The following RIMS2 variants were observed in gnomAD, a reference collection of about 807,000 sequenced individuals.
RIMS2 encodes regulating synaptic membrane exocytosis protein 2.
In RIMS2, 59 loss-of-function variants were observed where a neutral mutation model predicts 174.4. The ratio of observed to expected loss-of-function variants is 0.34; its 90% CI spans 0.27 to 0.42. The LOEUF is 0.42. RIMS2 is among the 10% of genes least tolerant of loss of function. The pLI, the probability that RIMS2 is intolerant of heterozygous loss-of-function variation, is 1.00. For missense variants in RIMS2, 1,620 were observed against 1,666.3 expected (o/e 0.97, Z 0.48); for synonymous variants, 606 against 572.5 (o/e 1.06, Z -0.84).
chr8:104,087,828 G>A (rs2097563343), intron 19 of RIMS2, among the ~76,000 whole-genome samples: 1 of 152,076 alleles, frequency 6.6e-6, no homozygotes, highest in Non-Finnish European at 1.5e-5. Context: ...AAAATTTTAT[G>A]TCCTAGACTC....
chr8:104,188,475 G>T (rs180780598), intron 19 of RIMS2, among the ~76,000 whole-genome samples: 1,882 of 151,560 alleles, frequency 0.012, 18 homozygotes, highest in South Asian at 0.022. Flanking sequence ...TAGGCTTATA[G>T]AATTTCCTAG....
chr8:103,516,248 G>T (rs1254803302), intron 1 of RIMS2, among the ~76,000 whole-genome samples: 1 of 152,018 alleles, frequency 6.6e-6, no homozygotes, highest in African/African-American at 2.4e-5. Context: ...ATACAAATAG[G>T]ACATTTAGTT....
chr8:103,924,411 C>T (rs891141668), intron 10 of RIMS2, among the ~76,000 whole-genome samples: 1 of 151,412 alleles, frequency 6.6e-6, no homozygotes, highest in African/African-American at 2.4e-5. Flanking sequence ...TATAATAGTT[C>T]CCTTTATATT....
intron 2 of RIMS2, among the ~76,000 whole-genome samples, chr8:103,723,306 G>T (rs969152929): frequency 1.3e-5 from 2 of 152,246 alleles, no homozygotes; most frequent in Admixed American, 1.3e-4. Flanking sequence ...TATTGGTGTG[G>T]GCACATTTGA....
chr8:104,107,304 C>T (rs1448390538), intron 19 of RIMS2, among the ~76,000 whole-genome samples: 9 of 152,144 alleles, frequency 5.9e-5, no homozygotes, highest in Non-Finnish European at 1.2e-4. Flanking sequence ...CTCTTCTCTT[C>T]ACAGCTTATA....
At chr8:104,244,983 G>A (rs2099322632) in exon 20 of RIMS2, 3 of 1,613,828 alleles carry the variant, frequency 1.9e-6, no homozygotes, top group Non-Finnish European at 2.5e-6. Context: ...CCGTGGAAAT[G>A]AGGAACTGGA....
At chr8:103,766,300 G>A (rs2098170446) in exon 3 of RIMS2, 3 of 1,613,354 alleles carry the variant, frequency 1.9e-6, no homozygotes, top group South Asian at 1.1e-5. Context: ...TTTTATAATA[G>A]TGGATCTAAT....
chr8:103,723,361 G>A (rs2097480778), intron 2 of RIMS2, among the ~76,000 whole-genome samples: 3 of 152,166 alleles, frequency 2.0e-5, no homozygotes, highest in Admixed American at 2.0e-4. Context: ...GCTTCAGCAG[G>A]GAAAGCCCTT....
chr8:104,124,121 A>G lies in RIMS2; in HGVS notation c.3334+109506A>G, dbSNP rs572511439. ...AGATATGCAATCATGTCTATATATG[A>G]GAGAAAAACAAAACTTTTTTTCTTA... is the stretch of plus-strand genomic sequence containing the variant. On this transcript the variant is annotated intron_variant, in intron 19 of 23. Coordinates refer to ENST00000504942, the Ensembl canonical transcript of RIMS2. Among the ~76,000 whole-genome samples the G allele has an allele frequency of 2.0e-5, 3 of 152,306 alleles. No homozygotes were observed. The East Asian group carries it at 5.8e-4, about 29-fold the overall frequency.
At chr8:104,016,705 T>A (rs1458579071) in intron 19 of RIMS2, among the ~76,000 whole-genome samples, 2 of 152,112 alleles carry the variant, frequency 1.3e-5, no homozygotes, top group East Asian at 3.8e-4. Flanking sequence ...GCATTTAAAG[T>A]CAGAAACTAT....
chr8:104,061,671 A>G (rs1030322069), intron 19 of RIMS2, among the ~76,000 whole-genome samples: 1 of 150,612 alleles, frequency 6.6e-6, no homozygotes, highest in African/African-American at 2.4e-5. Flanking sequence ...AAGCTATGCT[A>G]CTATTTTTAC....
chr8:103,848,415 T>A (rs868200513), intron 3 of RIMS2, among the ~76,000 whole-genome samples: 1 of 152,036 alleles, frequency 6.6e-6, no homozygotes, highest in South Asian at 2.1e-4. Context: ...CCAAGTCACA[T>A]GTTTGGGCAT....
intron 15 of RIMS2, among the ~76,000 whole-genome samples, chr8:103,972,861 G>T (rs1032449556): frequency 6.6e-6 from 1 of 151,972 alleles, no homozygotes; most frequent in African/African-American, 2.4e-5. Flanking sequence ...TTTACTAAAT[G>T]TATAGTATAT....
intron 19 of RIMS2, among the ~76,000 whole-genome samples, chr8:104,109,919 A>G (rs1020457039): frequency 6.6e-6 from 1 of 152,206 alleles, no homozygotes; most frequent in African/African-American, 2.4e-5. Context: ...CATTTTATTC[A>G]GCAAATAATT....
chr8:104,053,016 A>G (rs182556419), intron 19 of RIMS2, among the ~76,000 whole-genome samples: 46 of 152,352 alleles, frequency 3.0e-4, no homozygotes, highest in African/African-American at 1.0e-3. Flanking sequence ...TAATAATTTT[A>G]GCAAATGCTG....
At chr8:103,745,351 A>AT (rs202115861) in intron 2 of RIMS2, among the ~76,000 whole-genome samples, 6 of 150,338 alleles carry the variant, frequency 4.0e-5, no homozygotes, top group Non-Finnish European at 7.4e-5. Context: ...GTTATACCAC[A>AT]TTTTTTTTTC....
At chr8:103,932,181 G>T (rs1339968300) in intron 12 of RIMS2, among the ~76,000 whole-genome samples, 1 of 152,160 alleles carries the variant, frequency 6.6e-6, no homozygotes, top group East Asian at 1.9e-4. Context: ...GTGCTCTCAA[G>T]ATCTCTTTAT....
chr8:104,087,565 A>G (rs774011860), intron 19 of RIMS2, among the ~76,000 whole-genome samples: 41 of 152,230 alleles, frequency 2.7e-4, no homozygotes, highest in Non-Finnish European at 5.3e-4. Flanking sequence ...GACTAGACCT[A>G]TTTAATGGAG....
chr8:103,834,712 CTTTCTT>C (rs1172273724), intron 3 of RIMS2, among the ~76,000 whole-genome samples: 2 of 133,544 alleles, frequency 1.5e-5, no homozygotes, highest in Admixed American at 1.5e-4. Flanking sequence ...TTCTTTCTTT[CTTTCTT>C]TCTTTCTTTC....
Sources: allele counts gnomAD v4.1 joint callset (sites outside exome capture counted in the v4.1 genomes callset), GRCh38; gene constraint gnomAD v4.1.1; transcripts MANE v1.5; gene names NCBI Gene and HGNC (gene_info 2026-07-23, HGNC 2026-07-21).